Variants in NRG1 observed in about 807,000 individuals in gnomAD.
NRG1 encodes the protein pro-neuregulin-1, membrane-bound isoform.
Under a neutral mutation model 63.8 loss-of-function variants are expected in NRG1, and 18 were observed. That is an observed-to-expected ratio of 0.28 (90% CI 0.19 to 0.42). NRG1 has a LOEUF of 0.42. Ranked by LOEUF, NRG1 falls within the 10% of genes least tolerant of loss-of-function variation. The pLI is 1.00. For synonymous variants in NRG1, 302 were observed against 301.3 expected (o/e 1.00, Z -0.02); for missense variants, 762 against 814.7 (o/e 0.94, Z 0.79).
At chr8:31,732,876 G>A (rs745993657) in intron 1 of NRG1, among the ~76,000 whole-genome samples, 26 of 152,134 alleles carry the variant, frequency 1.7e-4, no homozygotes, top group Admixed American at 9.8e-4. Flanking sequence ...CTCAAGCCTG[G>A]GTGTAAGAGT....
At chr8:32,532,747 T>C (rs1831578739) in intron 1 of NRG1, among the ~76,000 whole-genome samples, 4 of 152,070 alleles carry the variant, frequency 2.6e-5, no homozygotes. Context: ...AAGGTTTTTA[T>C]GTGAAACCTT....
chr8:32,259,218 C>A (rs1413711226), intron 1 of NRG1, among the ~76,000 whole-genome samples: 2 of 152,162 alleles, frequency 1.3e-5, no homozygotes, highest in Non-Finnish European at 2.9e-5. Flanking sequence ...ATGTCCCTAT[C>A]AAAACTCAGG....
At chr8:31,911,406 A>G (rs971535090) in intron 1 of NRG1, among the ~76,000 whole-genome samples, 2 of 152,188 alleles carry the variant, frequency 1.3e-5, no homozygotes, top group Admixed American at 1.3e-4. Context: ...GTGCAGCTGT[A>G]AAAAAGAACA....
At chr8:32,356,942 T>C (rs115432825) in intron 1 of NRG1, among the ~76,000 whole-genome samples, 1 of 152,338 alleles carries the variant, frequency 6.6e-6, no homozygotes, top group African/African-American at 2.4e-5. Context: ...AGGGGAAAGG[T>C]CTGTTGGTGA....
chr8:32,259,597 A>T (rs1586457562), intron 1 of NRG1, among the ~76,000 whole-genome samples: 1 of 152,318 alleles, frequency 6.6e-6, no homozygotes, highest in Non-Finnish European at 1.5e-5. Flanking sequence ...CAAGACATAA[A>T]GGAAGACACA....
rs148599278 is a variant in NRG1, at chr8:31,947,421, G to C, written c.37+307990G>C. On this transcript the variant is annotated intron_variant, in intron 1 of 10. Transcript: ENST00000519301. Reference sequence around the variant, plus strand: ...CCCAGTCTTCAGCTATGTTGTTTTTGTTATTGTCATTATTATTATTATTAT... The same window carrying C: ...CCCAGTCTTCAGCTATGTTGTTTTTCTTATTGTCATTATTATTATTATTAT... Among the ~76,000 whole-genome samples the C allele has an allele frequency of 6.9e-3, 1,030 of 149,970 alleles. 13 individuals carry two copies. The highest frequency in any genetic ancestry group is 0.025 in the African/African-American group (989 of 40,262).
chr8:32,681,383 AAGAAATTCTTC>A (rs1294395190), intron 5 of NRG1, among the ~76,000 whole-genome samples: 1 of 152,154 alleles, frequency 6.6e-6, no homozygotes, highest in Non-Finnish European at 1.5e-5. Flanking sequence ...TCTCTGCCTT[AAGAAATTCTTC>A]AGAGGCAGAA....
intron 5 of NRG1, among the ~76,000 whole-genome samples, chr8:32,649,862 T>C (rs1249757757): frequency 6.6e-6 from 1 of 152,204 alleles, no homozygotes; most frequent in Non-Finnish European, 1.5e-5. Flanking sequence ...GCAAAGTGAC[T>C]GGGAAATAAT....
chr8:32,228,110 T>G (rs745464031), intron 1 of NRG1, among the ~76,000 whole-genome samples: 17 of 152,244 alleles, frequency 1.1e-4, no homozygotes, highest in Non-Finnish European at 1.0e-4. Flanking sequence ...AATTTATCCT[T>G]GGATTTCTCC....
intron 1 of NRG1, among the ~76,000 whole-genome samples, chr8:31,655,238 A>G (rs545609147): frequency 6.6e-5 from 10 of 152,234 alleles, no homozygotes; most frequent in African/African-American, 4.8e-5. Context: ...TGGCTTGACA[A>G]TGATGAAGAA....
intron 1 of NRG1, among the ~76,000 whole-genome samples, chr8:31,925,797 C>T (rs1834315160): frequency 6.6e-6 from 1 of 152,132 alleles, no homozygotes; most frequent in African/African-American, 2.4e-5. Flanking sequence ...AAAATTTCCA[C>T]TTTATTCTTT....
At chr8:31,909,444 A>C (rs1057101938) in intron 1 of NRG1, among the ~76,000 whole-genome samples, 2 of 152,102 alleles carry the variant, frequency 1.3e-5, no homozygotes. Flanking sequence ...TGCATGGAAG[A>C]CTTGCCCAAG....
intron 1 of NRG1, among the ~76,000 whole-genome samples, chr8:31,885,657 T>A (rs947758067): frequency 6.6e-6 from 1 of 152,130 alleles, no homozygotes; most frequent in Non-Finnish European, 1.5e-5. Flanking sequence ...CTCCATAGCA[T>A]CCATAGTCAT....
intron 1 of NRG1, among the ~76,000 whole-genome samples, chr8:32,347,768 T>C (rs1458827572): frequency 6.6e-6 from 1 of 152,196 alleles, no homozygotes; most frequent in African/African-American, 2.4e-5. Context: ...CAAAACAGTG[T>C]CTGAAAGATT....
intron 1 of NRG1, among the ~76,000 whole-genome samples, chr8:31,996,074 C>T (rs547569797): frequency 1.3e-5 from 2 of 151,688 alleles, no homozygotes; most frequent in East Asian, 3.9e-4. Flanking sequence ...AGTATGCAGT[C>T]CTTTCTTCGT....
At chr8:31,717,765 T>G (rs1180009248) in intron 1 of NRG1, among the ~76,000 whole-genome samples, 1 of 152,184 alleles carries the variant, frequency 6.6e-6, no homozygotes, top group African/African-American at 2.4e-5. Context: ...CTCCAAAGTG[T>G]TGTAACCTAG....
At chr8:31,960,394 G>T (rs1805254674) in intron 1 of NRG1, among the ~76,000 whole-genome samples, 2 of 152,084 alleles carry the variant, frequency 1.3e-5, no homozygotes, top group Non-Finnish European at 2.9e-5. Flanking sequence ...ACACCATGGA[G>T]GAGGCTATGA....
At chr8:32,126,057 A>G (rs1375462693) in intron 1 of NRG1, among the ~76,000 whole-genome samples, 3 of 151,634 alleles carry the variant, frequency 2.0e-5, no homozygotes, top group Non-Finnish European at 1.5e-5. Context: ...TGGACTGCAG[A>G]CTCCAAGACA....
rs138059123 is a variant in NRG1, at chr8:32,476,603, C to T, written c.38-119225C>T. Reference sequence around the variant, plus strand: ...GACATTTCCATGTTCAATTTGATTCCGGAAATTATATGTTGGGTAGAACAG... The same window carrying T: ...GACATTTCCATGTTCAATTTGATTCTGGAAATTATATGTTGGGTAGAACAG... On this transcript the variant is annotated intron_variant, in intron 1 of 10. Transcript: ENST00000519301. 5.2e-3 allele frequency among the ~76,000 whole-genome samples: 787 copies of T among 152,196 alleles called. 7 individuals carry two copies. The highest frequency in any genetic ancestry group is 4.1e-3 in the Non-Finnish European group (282 of 68,028).
Sources: gnomAD v4.1 joint callset for allele counts (sites outside exome capture counted in the v4.1 genomes callset) on GRCh38, gnomAD v4.1.1 for gene constraint, MANE v1.5 for transcripts, NCBI Gene and HGNC (gene_info 2026-07-23, HGNC 2026-07-21) for gene names.